UBXN11: variants seen among roughly 807,000 people sequenced by gnomAD.
The protein encoded by UBXN11 is UBX domain protein 11.
A neutral mutation model predicts 62.8 loss-of-function variants in UBXN11; 47 were observed. The ratio of observed to expected loss-of-function variants is 0.75; its 90% CI spans 0.59 to 0.95. The LOEUF (loss-of-function observed/expected upper bound fraction) is 0.95. UBXN11 is among the 40% of genes least tolerant of loss of function. UBXN11 has a pLI of 0.00. For synonymous variants in UBXN11, 294 were observed against 267.0 expected (o/e 1.10, Z -0.99); for missense variants, 638 against 661.7 (o/e 0.96, Z 0.39).
chr1:26,283,495 CT>C (rs1437002037), intron 12 of UBXN11, among the ~76,000 whole-genome samples: 1 of 152,116 alleles, frequency 6.6e-6, no homozygotes, highest in Admixed American at 6.6e-5. Context: ...AGGAACCTGG[CT>C]TTATCTCAAG....
chr1:26,315,959 CCT>C (rs1557695950), intron 1 of UBXN11, among the ~76,000 whole-genome samples: 12 of 43,816 alleles, frequency 2.7e-4, no homozygotes, highest in Admixed American at 5.4e-4. Flanking sequence ...TGTTTCCTGG[CCT>C]TTTTTTTTTT....
intron 1 of UBXN11, among the ~76,000 whole-genome samples, chr1:26,315,651 CTTCTT>C (rs1174389330): frequency 2.0e-5 from 3 of 151,872 alleles, no homozygotes; most frequent in East Asian, 2.0e-4. Context: ...ACTCTCAGTT[CTTCTT>C]TTCTTCTCTT....
intron 4 of UBXN11, among the ~76,000 whole-genome samples, chr1:26,299,445 G>A (rs144395390): frequency 6.5e-4 from 98 of 149,922 alleles, no homozygotes; most frequent in Non-Finnish European, 1.1e-3. Context: ...CTGACAGGTC[G>A]AGGCTGCAGT....
chr1:26,318,207 C>T (rs12090258), exon 1 of UBXN11: 118,163 of 755,374 alleles, frequency 0.16, 10,091 homozygotes, highest in Middle Eastern at 0.2. Context: ...AACAGGAAAA[C>T]TGGGGACACA....
At position 26,284,399 on chromosome 1, in the gene UBXN11, C is replaced by CCGG; in HGVS notation, c.935_936insCCG (p.Leu312_Met313insArg). 1.2e-6 allele frequency: 2 copies of CCGG among 1,614,056 alleles called. No homozygotes were observed. The highest frequency in any genetic ancestry group is 1.7e-6 in the Non-Finnish European group (2 of 1,179,928). On this transcript the variant is annotated inframe_insertion, in exon 11 of 15. Transcript: ENST00000374222. ...CCACCCTGTCCAAGGCCTTGTGCAT[C>CCGG]AGCTGCCTGCCCACCACACGGCCCT... is the stretch of plus-strand genomic sequence containing the variant.
At chr1:26,318,284 GAGAAACC>G in exon 1 of UBXN11, 1 of 562,366 alleles carries the variant, frequency 1.8e-6, no homozygotes, top group South Asian at 2.2e-5. Context: ...GCTGCCCTGA[GAGAAACC>G]TGTATCCACA....
chr1:26,303,096 CCTG>C (rs2073578865), intron 1 of UBXN11, 178 bp from the exon 2 acceptor site: 1 of 517,654 alleles, frequency 1.9e-6, no homozygotes, highest in African/African-American at 1.9e-5. Context: ...CTGTTATCTG[CCTG>C]CTCCTCTGGG....
Position 26,302,362 on chromosome 1 carries a change from TAAAAAAAAAAAA to T in UBXN11, c.71+439_71+450del, listed in dbSNP as rs56003085. Among the ~76,000 whole-genome samples, 7 of 69,562 alleles carry T rather than the reference TAAAAAAAAAAAA, an allele frequency of 1.0e-4. No homozygotes were observed. In the East Asian group the frequency reaches 1.4e-3, roughly 14 times the overall value. 45.6% of individuals were successfully genotyped at this position (69,562 alleles called of 152,430 possible). A position where few individuals can be genotyped will look rare whatever the true frequency, so the allele number is the denominator to read the frequency against. Reference sequence around the variant, plus strand: ...GGGCGACAGAGCGAGACTTGGTCTTTAAAAAAAAAAAAAAAAAAAAAAAAAAAAAGACTCAAA... The same window carrying T: ...GGGCGACAGAGCGAGACTTGGTCTTTAAAAAAAAAAAAAAAAAGACTCAAA... On this transcript the variant is annotated intron_variant, in intron 2 of 14. Transcript: ENST00000374222.
intron 9 of UBXN11, 115 bp downstream of exon 9, chr1:26,285,708 G>T: frequency 7.0e-7 from 1 of 1,419,902 alleles, no homozygotes; most frequent in East Asian, 2.5e-5. Context: ...TCGTGTGTGG[G>T]CCTGGGTGCC....
intron 1 of UBXN11, among the ~76,000 whole-genome samples, chr1:26,315,334 G>A (rs1363547389): frequency 6.6e-6 from 1 of 152,212 alleles, no homozygotes; most frequent in Non-Finnish European, 1.5e-5. Context: ...TAAGAGGGGA[G>A]AAGATTGCAC....
chr1:26,294,144 CAACAGCA>C (rs1230241422), intron 8 of UBXN11, 54 bp downstream of exon 8: 4 of 1,597,426 alleles, frequency 2.5e-6, no homozygotes, highest in Non-Finnish European at 3.4e-6. Flanking sequence ...AGCTGCCGGC[CAACAGCA>C]AACTGTTGGA....
chr1:26,316,125 A>AT (rs57889417), intron 1 of UBXN11, among the ~76,000 whole-genome samples: 16,177 of 91,442 alleles, frequency 0.18, 2,595 homozygotes, highest in Non-Finnish European at 0.24. Flanking sequence ...TGCCCGGCTA[A>AT]TTTTTTTTTT....
At chr1:26,290,336 A>G (rs1290973935) in intron 8 of UBXN11, among the ~76,000 whole-genome samples, 1 of 152,206 alleles carries the variant, frequency 6.6e-6, no homozygotes, top group African/African-American at 2.4e-5. Context: ...AGAGGGGGTC[A>G]GCGATCTGCT....
At chr1:26,309,904 C>T (rs2073724189), upstream of UBXN11, among the ~76,000 whole-genome samples, 1 of 152,196 alleles carries the variant, frequency 6.6e-6, no homozygotes, top group African/African-American at 2.4e-5. Flanking sequence ...TTAAAAATTC[C>T]TATAATGTTG....
intron 1 of UBXN11, among the ~76,000 whole-genome samples, chr1:26,312,610 T>G (rs2073754274): frequency 6.6e-6 from 1 of 152,062 alleles, no homozygotes; most frequent in Non-Finnish European, 1.5e-5. Flanking sequence ...TGCTGGACTA[T>G]AAATTCCTCA....
chr1:26,284,384 C>G lies in UBXN11; in HGVS notation c.951G>C (p.Leu317Phe), dbSNP rs762850734. Residue 317 changes from leucine to phenylalanine, a missense_variant, in exon 11 of 15, where the codon TTG (leucine) becomes TTC (phenylalanine). Physicochemically the swap from Leu to Phe is conservative, Grantham distance 22 (BLOSUM62 0). Transcript: ENST00000374222. Reference protein sequence around the residue: ...VVGRQLMHKALDRVEEHPGSR... With the variant: ...VVGRQLMHKAFDRVEEHPGSR... ...CACCTGGGTGCTCCTCCACCCTGTCCAAGGCCTTGTGCATCAGCTGCCTGC... is the reference window on the plus strand; with the variant it reads ...CACCTGGGTGCTCCTCCACCCTGTCGAAGGCCTTGTGCATCAGCTGCCTGC... The G allele has an allele frequency of 6.2e-7, 1 of 1,614,104 alleles. No homozygotes were observed. The highest frequency in any genetic ancestry group is 2.2e-5 in the East Asian group (1 of 44,880).
intron 8 of UBXN11, 52 bp from the exon 9 acceptor site, chr1:26,286,089 A>G (rs1434754594): frequency 1.3e-6 from 2 of 1,510,860 alleles, no homozygotes; most frequent in East Asian, 2.4e-5. Context: ...TCATGTCCCT[A>G]GCAGCCCTAG....
At chr1:26,283,882 G>A (rs2073061196) in intron 12 of UBXN11, among the ~76,000 whole-genome samples, 1 of 152,206 alleles carries the variant, frequency 6.6e-6, no homozygotes, top group Admixed American at 6.5e-5. Context: ...AGACCTTGAT[G>A]GGGTGGCCTG....
intron 7 of UBXN11, among the ~76,000 whole-genome samples, chr1:26,296,578 G>A (rs1460799191): frequency 6.6e-6 from 1 of 152,212 alleles, no homozygotes; most frequent in East Asian, 1.9e-4. Flanking sequence ...CTGGAGGGGA[G>A]AGTGGTTCAA....
Sources: allele counts gnomAD v4.1 joint callset (sites outside exome capture counted in the v4.1 genomes callset), GRCh38; gene constraint gnomAD v4.1.1; transcripts MANE v1.5; gene names NCBI Gene and HGNC (gene_info 2026-07-23, HGNC 2026-07-21).